The following CTDP1 variants were observed in gnomAD, a reference collection of about 807,000 sequenced individuals.
CTDP1 encodes the protein RNA polymerase II subunit A C-terminal domain phosphatase.
Under a neutral mutation model 91.8 loss-of-function variants are expected in CTDP1, and 47 were observed. The observed-to-expected ratio is 0.51, with a 90% confidence interval of 0.41 to 0.65. The LOEUF (loss-of-function observed/expected upper bound fraction) is 0.65, where lower values mean the gene tolerates loss of function less well. CTDP1 is among the 30% of genes least tolerant of loss of function. The probability of loss-of-function intolerance (pLI) is 0.00; values close to 1 mark genes in which losing one functional copy is unlikely to be tolerated. For synonymous variants in CTDP1, 656 were observed against 598.5 expected (o/e 1.10, Z -1.40); for missense variants, 1,272 against 1,373.7 (o/e 0.93, Z 1.17).
At chr18:79,688,482 C>G (rs939177792) in intron 1 of CTDP1, among the ~76,000 whole-genome samples, 8 of 152,230 alleles carry the variant, frequency 5.3e-5, no homozygotes, top group Non-Finnish European at 8.8e-5. Context: ...CCAGGCTGGT[C>G]TCGAACTCCT....
chr18:79,690,419 T>C lies in CTDP1; in HGVS notation c.315-4806T>C, dbSNP rs531723613. On this transcript the variant is annotated intron_variant, in intron 1 of 12. Transcript: ENST00000613122. ...CCAGAAAACATTTATTGGTGACTGA[T>C]TGGACGTTTTTGGGCTGAGCTCTTT... 5.9e-5 allele frequency among the ~76,000 whole-genome samples: 9 copies of C among 152,326 alleles called. No individual in the cohort carries two copies. In the South Asian group the frequency reaches 1.4e-3, roughly 25 times the overall value.
intron 4 of CTDP1, among the ~76,000 whole-genome samples, chr18:79,700,588 C>G (rs1036764572): frequency 6.6e-6 from 1 of 152,208 alleles, no homozygotes; most frequent in Non-Finnish European, 1.5e-5. Flanking sequence ...CAGGTTGGTT[C>G]ATGAGGGTGA....
Position 79,710,356 on chromosome 18 carries a change from C to T in CTDP1, c.783C>T (p.Asp261=). 8 of 1,613,608 alleles carry T rather than the reference C, an allele frequency of 5.0e-6. No homozygotes were observed. The highest frequency in any genetic ancestry group is 5.9e-6 in the Non-Finnish European group (7 of 1,179,722). ...LYAHTIAGFL[D]PEKKLFSHRI... ...GTTTTCTTTTCCAAGGCTTTTTAGA[C>T]CCCGAGAAGAAGCTTTTTTCTCACC... Residue 261 remains aspartate (D), a synonymous_variant, in exon 6 of 13, where the codon GAC becomes GAT. Coordinates refer to ENST00000613122, the MANE Select transcript of CTDP1 (RefSeq NM_004715.5).
chr18:79,714,650 G>A lies in CTDP1; in HGVS notation c.1190G>A (p.Arg397His), dbSNP rs779160765. 2.5e-5 allele frequency: 40 copies of A among 1,611,888 alleles called. No homozygotes were observed. In the East Asian group the frequency reaches 4.0e-4, roughly 16 times the overall value. ...SEAATPRDSP[R>H]PGKPDERDIW... is the part of the protein sequence containing the mutation. ...GCCGCCACCCCGCGGGACTCACCCCGCCCCGGGAAGCCAGACGAGAGGGAC... is the reference window on the plus strand; with the variant it reads ...GCCGCCACCCCGCGGGACTCACCCCACCCCGGGAAGCCAGACGAGAGGGAC... The change falls in exon 8 of 13, where the codon CGC becomes CAC. Residue 397 changes from arginine to histidine, a missense_variant. Physicochemically the swap from Arg to His is conservative, Grantham distance 29. Transcript: ENST00000613122.
At chr18:79,706,145 C>A (rs1000512987) in intron 5 of CTDP1, among the ~76,000 whole-genome samples, 1 of 152,208 alleles carries the variant, frequency 6.6e-6, no homozygotes, top group Non-Finnish European at 1.5e-5. Flanking sequence ...CAGGTGGGCC[C>A]TGGGAGCTGC....
chr18:79,743,253 C>T (rs541415174), intron 12 of CTDP1, among the ~76,000 whole-genome samples: 37 of 151,698 alleles, frequency 2.4e-4, no homozygotes, highest in African/African-American at 8.0e-4. Flanking sequence ...AGGCCGAGCA[C>T]GGTGGCTCAT....
chr18:79,716,504 G>T (rs531697379), intron 8 of CTDP1, among the ~76,000 whole-genome samples: 1 of 152,360 alleles, frequency 6.6e-6, no homozygotes, highest in South Asian at 2.1e-4. Context: ...CTTGATCCCA[G>T]GAGAAAGCCA....
intron 5 of CTDP1, among the ~76,000 whole-genome samples, chr18:79,706,051 C>T (rs2085960634): frequency 6.6e-6 from 1 of 152,124 alleles, no homozygotes; most frequent in Non-Finnish European, 1.5e-5. Flanking sequence ...AAACCCAGTC[C>T]CAGGGCGAGG....
intron 12 of CTDP1, among the ~76,000 whole-genome samples, chr18:79,749,081 G>A (rs1026699533): frequency 1.3e-5 from 2 of 152,188 alleles, no homozygotes; most frequent in Non-Finnish European, 2.9e-5. Context: ...TGTTTTTGTC[G>A]GCCTTGTGAG....
intron 12 of CTDP1, among the ~76,000 whole-genome samples, chr18:79,742,371 G>A (rs772790909): frequency 3.3e-5 from 5 of 152,110 alleles, no homozygotes; most frequent in Admixed American, 1.3e-4. Context: ...CACCACAGCC[G>A]CTTCTCCTCA....
intron 10 of CTDP1, among the ~76,000 whole-genome samples, chr18:79,720,129 A>G (rs1446997603): frequency 4.2e-5 from 6 of 143,770 alleles, no homozygotes; most frequent in East Asian, 4.2e-4. Context: ...CATCCTGGTG[A>G]TGATGTCACC....
chr18:79,730,778 GGCCT>G (rs1445512186), intron 11 of CTDP1, among the ~76,000 whole-genome samples: 30 of 152,228 alleles, frequency 2.0e-4, no homozygotes, highest in South Asian at 2.1e-4. Context: ...AAGGACCCGA[GGCCT>G]CTGGAAGCTG....
chr18:79,696,041 A>T lies in CTDP1; in HGVS notation c.463A>T (p.Ser155Cys), dbSNP rs1436373012. 2 of 1,612,368 alleles carry T rather than the reference A, an allele frequency of 1.2e-6. No homozygotes were observed. Residue 155 changes from serine (S) to cysteine (C), a missense_variant, in exon 3 of 13, where the codon AGC (serine) becomes TGC (cysteine). By Grantham distance (112) the Ser-to-Cys change is moderately radical. Transcript: ENST00000613122. ...LSTATVSMVH[S>C]VPELMVSSEQ... ...CACGGCGACCGTGTCCATGGTGCACAGCGTGCCGGAGTTGATGGTGAGCTC... is the reference window on the plus strand; with the variant it reads ...CACGGCGACCGTGTCCATGGTGCACTGCGTGCCGGAGTTGATGGTGAGCTC...
At chr18:79,695,855 T>C in intron 2 of CTDP1, 122 bp from the exon 3 acceptor site, 1 of 807,544 alleles carries the variant, frequency 1.2e-6, no homozygotes, top group Non-Finnish European at 2.1e-6. Flanking sequence ...GAATCAAGTC[T>C]GTGCTAAGAT....
At chr18:79,731,163 G>T (rs1263712808) in intron 11 of CTDP1, among the ~76,000 whole-genome samples, 3 of 152,192 alleles carry the variant, frequency 2.0e-5, no homozygotes, top group Non-Finnish European at 2.9e-5. Context: ...CATGGGGTGG[G>T]GCTGCTGCTC....
Position 79,701,465 on chromosome 18 carries a change from G to A in CTDP1, c.622-3302G>A, listed in dbSNP as rs183794030. Reference sequence around the variant, plus strand: ...GCGGAGCTTGCAGTGAGCCACGATCGCACCACTGCACTCCAGCCTGGGTGA... The same window carrying A: ...GCGGAGCTTGCAGTGAGCCACGATCACACCACTGCACTCCAGCCTGGGTGA... On this transcript the variant is annotated intron_variant, in intron 4 of 12. Coordinates refer to ENST00000613122, the MANE Select transcript of CTDP1 (RefSeq NM_004715.5). Among the ~76,000 whole-genome samples, 310 of 151,524 alleles carry A rather than the reference G, an allele frequency of 2.0e-3. 2 individuals are homozygous for A. The highest frequency in any genetic ancestry group is 2.7e-3 in the Non-Finnish European group (185 of 67,922).
Position 79,717,551 on chromosome 18 carries a change from G to C in CTDP1, c.2085G>C (p.Leu695=). The change falls in exon 9 of 13, where the codon CTG becomes CTC. Residue 695 remains leucine, a synonymous_variant. Coordinates refer to ENST00000613122, the MANE Select transcript of CTDP1 (RefSeq NM_004715.5). ...CTCCTGCAGGCACAGAGAAGGTGCT[G>C]CAGGCACAGGAGTGCGGACACCTGC... The part of the protein sequence containing the change: ...IAARAGTEKV[L]QAQECGHLHV... 1 of 1,613,474 alleles carries C rather than the reference G, an allele frequency of 6.2e-7. No individual in the cohort carries two copies. The highest frequency in any genetic ancestry group is 8.5e-7 in the Non-Finnish European group (1 of 1,179,914).
At position 79,718,057 on chromosome 18, in the gene CTDP1, T is replaced by A. The variant is rs1392338826; in HGVS notation, c.2417+41T>A. 3.7e-6 allele frequency: 6 copies of A among 1,605,948 alleles called. No homozygotes were observed. The African/African-American group carries it at 5.3e-5, about 14-fold the overall frequency. The stretch of plus-strand genomic sequence containing the variant: ...GCCACTGTCCCCAGCTAATGAGGGC[T>A]CTTCAAGCTTGCTGCTCCAGTCTGT... On this transcript the variant is annotated intron_variant, in intron 10 of 12. Coordinates refer to ENST00000613122, the MANE Select transcript of CTDP1 (RefSeq NM_004715.5).
At chr18:79,716,909 T>C (rs1298934218) in intron 8 of CTDP1, among the ~76,000 whole-genome samples, 8 of 152,262 alleles carry the variant, frequency 5.3e-5, no homozygotes, top group Admixed American at 5.2e-4. Context: ...CTTCCCACCA[T>C]GGCTGCCTAT....
Sources: allele counts gnomAD v4.1 joint callset (sites outside exome capture counted in the v4.1 genomes callset), GRCh38; gene constraint gnomAD v4.1.1; transcripts MANE v1.5; gene names NCBI Gene and HGNC (gene_info 2026-07-23, HGNC 2026-07-21).